Variants in RBM26 observed in about 807,000 individuals in gnomAD.
The protein encoded by RBM26 is RNA-binding protein 26.
In RBM26, 30 loss-of-function variants were observed where a neutral mutation model predicts 123.6. The observed-to-expected ratio is 0.24, with a 90% CI of 0.18 to 0.33. The LOEUF (loss-of-function observed/expected upper bound fraction) is 0.33. Among genes scored for constraint, RBM26 ranks in the 10% least tolerant of loss-of-function variants. The probability of loss-of-function intolerance (pLI) is 1.00; values close to 1 mark genes in which losing one functional copy is unlikely to be tolerated. For synonymous variants in RBM26, 400 were observed against 404.4 expected (o/e 0.99, Z 0.13); for missense variants, 947 against 1,203.6 (o/e 0.79, Z 3.15).
At chr13:79,346,216 C>T (rs4884128) in intron 14 of RBM26, among the ~76,000 whole-genome samples, 150,325 of 152,322 alleles carry the variant, frequency 0.99, 74,217 homozygotes, top group East Asian at 1. Context: ...ATCATGAAAT[C>T]TGATTAGGGA....
chr13:79,359,378 A>G (rs1277602512), intron 10 of RBM26, among the ~76,000 whole-genome samples, 197 bp downstream of exon 10: 1 of 152,168 alleles, frequency 6.6e-6, no homozygotes, highest in East Asian at 1.9e-4. Flanking sequence ...CTGAACTACC[A>G]CACCATTTCT....
Position 79,394,922 on chromosome 13 carries a change from C to T in RBM26, c.71+10782G>A, listed in dbSNP as rs143044527. Among the ~76,000 whole-genome samples the T allele has an allele frequency of 3.9e-3, 594 of 152,304 alleles. 5 individuals are homozygous for T. The highest frequency in any genetic ancestry group is 0.014 in the African/African-American group (571 of 41,572). On this transcript the variant is annotated intron_variant, in intron 1 of 21. Transcript: ENST00000438737. ...GTGCTGGGATTACAGGTGTGAGCCA[C>T]GGCACCCAGCCCCAAAGGGAAAATT... is the stretch of plus-strand genomic sequence containing the variant.
intron 6 of RBM26, 80 bp from the exon 7 acceptor site, chr13:79,366,952 AT>A: frequency 8.4e-7 from 1 of 1,193,626 alleles, no homozygotes; most frequent in South Asian, 1.8e-5. Flanking sequence ...AAAGTAAAAT[AT>A]TTAAAAATAT....
chr13:79,323,411 G>C (rs1386861723), intron 20 of RBM26, among the ~76,000 whole-genome samples: 1 of 151,504 alleles, frequency 6.6e-6, no homozygotes, highest in Non-Finnish European at 1.5e-5. Flanking sequence ...AAATTTAAAA[G>C]ATTTCATGCC....
chr13:79,331,342 C>T (rs2069308879), intron 20 of RBM26, among the ~76,000 whole-genome samples: 2 of 151,824 alleles, frequency 1.3e-5, no homozygotes, highest in African/African-American at 4.8e-5. Context: ...ACCTCGCAGC[C>T]AGGCACAGTG....
At chr13:79,369,318 A>T (rs1224467788) in intron 5 of RBM26, among the ~76,000 whole-genome samples, 1 of 152,198 alleles carries the variant, frequency 6.6e-6, no homozygotes, top group Non-Finnish European at 1.5e-5. Flanking sequence ...AAAACATGCA[A>T]TAAAGTATGG....
At position 79,340,272 on chromosome 13, in the gene RBM26, G is replaced by A. The variant is rs2071150812; in HGVS notation, c.2532+851C>T. On this transcript the variant is annotated intron_variant, in intron 18 of 21. Coordinates refer to ENST00000438737, the MANE Select transcript of RBM26 (RefSeq NM_001366735.2). ...AGGACAACATCCTATGGCTTCCTAT[G>A]ACTTTCAGAGAAGACAGAGCTTTAA... Among the ~76,000 whole-genome samples the A allele has an allele frequency of 2.0e-5, 3 of 152,062 alleles. No homozygotes were observed. In the South Asian group the frequency reaches 6.2e-4, roughly 32 times the overall value.
intron 21 of RBM26, among the ~76,000 whole-genome samples, chr13:79,321,980 AATG>A (rs1176909394): frequency 6.6e-6 from 1 of 151,506 alleles, no homozygotes; most frequent in African/African-American, 2.4e-5. Context: ...TAATGACTAA[AATG>A]ATAAATGAAT....
chr13:79,326,859 AAAG>A (rs1319417097), intron 20 of RBM26, among the ~76,000 whole-genome samples: 4 of 152,122 alleles, frequency 2.6e-5, no homozygotes, highest in Admixed American at 2.0e-4. Flanking sequence ...ATAGAAAGAA[AAAG>A]AAGAGACTTT....
intron 13 of RBM26, among the ~76,000 whole-genome samples, chr13:79,354,114 G>C (rs1314565348): frequency 2.0e-5 from 3 of 152,028 alleles, no homozygotes; most frequent in African/African-American, 7.2e-5. Context: ...GAAAAAATAA[G>C]ATTTAATGTA....
At chr13:79,368,235 C>G (rs1274907888) in intron 6 of RBM26, among the ~76,000 whole-genome samples, 1 of 152,078 alleles carries the variant, frequency 6.6e-6, no homozygotes, top group Admixed American at 6.6e-5. Flanking sequence ...ACCATGTTAG[C>G]CAGGATGGTC....
chr13:79,371,715 A>AT (rs2075899677), intron 4 of RBM26, 127 bp downstream of exon 4: 1 of 655,176 alleles, frequency 1.5e-6, no homozygotes, highest in Non-Finnish European at 2.6e-6. Context: ...GGACCTAGTT[A>AT]TATTTTCCTA....
intron 1 of RBM26, among the ~76,000 whole-genome samples, chr13:79,398,518 T>C (rs1375775634): frequency 6.6e-6 from 1 of 152,084 alleles, no homozygotes; most frequent in Non-Finnish European, 1.5e-5. Context: ...GATAAAGAAA[T>C]AAAGAAAAAT....
chr13:79,325,938 T>TACAC (rs2068337781), intron 20 of RBM26, among the ~76,000 whole-genome samples: 2 of 152,196 alleles, frequency 1.3e-5, no homozygotes, highest in Non-Finnish European at 2.9e-5. Context: ...TATGTTTGCC[T>TACAC]ACACAAATAC....
At chr13:79,344,220 T>A in intron 16 of RBM26, 28 bp downstream of exon 16, 10 of 1,413,906 alleles carry the variant, frequency 7.1e-6, no homozygotes, top group Non-Finnish European at 1.0e-5. Context: ...CATTTGCAAT[T>A]TGGCCAAATC....
intron 14 of RBM26, among the ~76,000 whole-genome samples, chr13:79,349,598 G>GA (rs576773467): frequency 1.1e-3 from 149 of 141,822 alleles, no homozygotes; most frequent in Admixed American, 1.8e-3. Context: ...ATATTTTCCT[G>GA]AAAAAAAAAT....
At chr13:79,369,018 A>G (rs1259442932) in intron 5 of RBM26, 28 bp from the exon 6 acceptor site, 2 of 1,477,048 alleles carry the variant, frequency 1.4e-6, no homozygotes, top group East Asian at 4.7e-5. Context: ...TGACATATAA[A>G]ACTACACTGT....
intron 3 of RBM26, among the ~76,000 whole-genome samples, chr13:79,375,031 A>G (rs2076511002): frequency 8.7e-6 from 1 of 114,346 alleles, no homozygotes; most frequent in Non-Finnish European, 2.0e-5. Flanking sequence ...TATATATTTT[A>G]TACATTTTTT....
chr13:79,326,940 A>C (rs182150465), intron 20 of RBM26, among the ~76,000 whole-genome samples: 1 of 152,206 alleles, frequency 6.6e-6, no homozygotes, highest in Admixed American at 6.5e-5. Context: ...CAGTGCAATG[A>C]AATAAGGTGA....
Sources: allele counts gnomAD v4.1 joint callset (sites outside exome capture counted in the v4.1 genomes callset), GRCh38; gene constraint gnomAD v4.1.1; transcripts MANE v1.5; gene names NCBI Gene and HGNC (gene_info 2026-07-23, HGNC 2026-07-21).